Variants in TPD52L1 observed in about 807,000 individuals in gnomAD.
TPD52L1 encodes TPD52 like 1, also known as tumor protein D53.
A neutral mutation model predicts 28.7 loss-of-function variants in TPD52L1; 18 were observed. The observed-to-expected ratio is 0.63, with a 90% CI of 0.43 to 0.93. TPD52L1 has a LOEUF of 0.93. Ranked by LOEUF, TPD52L1 falls within the 40% of genes least tolerant of loss-of-function variation. The pLI is 0.00. For missense variants in TPD52L1, 203 were observed against 254.8 expected (o/e 0.80, Z 1.39); for synonymous variants, 75 against 88.8 (o/e 0.84, Z 0.88).
chr6:125,212,567 G>A (rs1395684196), intron 1 of TPD52L1, among the ~76,000 whole-genome samples: 4 of 152,220 alleles, frequency 2.6e-5, no homozygotes, highest in Non-Finnish European at 4.4e-5. Context: ...GGTTGAAGGA[G>A]GCACTTTAAT....
At chr6:125,180,708 G>T (rs765212462) in intron 1 of TPD52L1, among the ~76,000 whole-genome samples, 4 of 152,074 alleles carry the variant, frequency 2.6e-5, no homozygotes, top group Non-Finnish European at 5.9e-5. Flanking sequence ...AAACATGAAG[G>T]AGAGCTGTTT....
At chr6:125,164,557 G>C (rs553797409) in intron 1 of TPD52L1, among the ~76,000 whole-genome samples, 1 of 152,254 alleles carries the variant, frequency 6.6e-6, no homozygotes, top group Non-Finnish European at 1.5e-5. Flanking sequence ...TTTCCAGAAA[G>C]TAGAATCTGT....
chr6:125,173,468 A>G (rs1374242952), intron 1 of TPD52L1, among the ~76,000 whole-genome samples: 1 of 152,156 alleles, frequency 6.6e-6, no homozygotes, highest in Non-Finnish European at 1.5e-5. Flanking sequence ...GCCCTGGCCC[A>G]AGAGCCAGGA....
chr6:125,180,562 T>TTATATA (rs3839550), intron 1 of TPD52L1, among the ~76,000 whole-genome samples: 116 of 150,814 alleles, frequency 7.7e-4, no homozygotes, highest in African/African-American at 2.7e-3. Flanking sequence ...CACACATATA[T>TTATATA]TATATATACA....
At chr6:125,178,347 G>T (rs1791945931) in intron 1 of TPD52L1, among the ~76,000 whole-genome samples, 1 of 152,206 alleles carries the variant, frequency 6.6e-6, no homozygotes, top group South Asian at 2.1e-4. Flanking sequence ...CATAGGCCAG[G>T]TGTGGTGGCT....
intron 1 of TPD52L1, among the ~76,000 whole-genome samples, chr6:125,202,881 T>C (rs1793884121): frequency 6.7e-6 from 1 of 149,408 alleles, no homozygotes; most frequent in Admixed American, 6.8e-5. Flanking sequence ...TTCTCCTGCC[T>C]CAGCTTCCTG....
chr6:125,197,107 C>T (rs180962139), intron 1 of TPD52L1, among the ~76,000 whole-genome samples: 222 of 152,330 alleles, frequency 1.5e-3, no homozygotes, highest in African/African-American at 5.0e-3. Flanking sequence ...CTAAAACAGA[C>T]TCATAATCAT....
chr6:125,232,399 C>T (rs1582981275), intron 3 of TPD52L1, among the ~76,000 whole-genome samples: 1 of 152,092 alleles, frequency 6.6e-6, no homozygotes, highest in African/African-American at 2.4e-5. Flanking sequence ...ATCTGTATCC[C>T]TCTGAATTAA....
At chr6:125,217,337 A>G (rs111337518) in intron 1 of TPD52L1, among the ~76,000 whole-genome samples, 9 of 152,140 alleles carry the variant, frequency 5.9e-5, no homozygotes, top group Non-Finnish European at 1.3e-4. Flanking sequence ...AACTCACCAT[A>G]ATGTAAAATC....
intron 1 of TPD52L1, among the ~76,000 whole-genome samples, chr6:125,185,953 G>A (rs1463181642): frequency 6.9e-6 from 1 of 145,804 alleles, no homozygotes; most frequent in African/African-American, 2.5e-5. Flanking sequence ...GAGTGCAGTG[G>A]CATGATCTCG....
chr6:125,162,307 G>T (rs967684480), intron 1 of TPD52L1, among the ~76,000 whole-genome samples: 1 of 152,142 alleles, frequency 6.6e-6, no homozygotes, highest in African/African-American at 2.4e-5. Context: ...AATGGCAGCT[G>T]TTGTAGTAGA....
At chr6:125,172,061 CTTCT>C (rs201530227) in intron 1 of TPD52L1, among the ~76,000 whole-genome samples, 2,728 of 137,574 alleles carry the variant, frequency 0.02, 128 homozygotes, top group African/African-American at 0.072. Context: ...CCTTCTTTCT[CTTCT>C]TTCTTTCTTT....
At chr6:125,198,375 C>T (rs1043042979) in intron 1 of TPD52L1, among the ~76,000 whole-genome samples, 1 of 152,162 alleles carries the variant, frequency 6.6e-6, no homozygotes, top group African/African-American at 2.4e-5. Context: ...AAAGTCCTTT[C>T]CTTCATTGTC....
intron 1 of TPD52L1, among the ~76,000 whole-genome samples, chr6:125,191,868 A>T (rs1055996920): frequency 6.6e-6 from 1 of 152,232 alleles, no homozygotes; most frequent in Non-Finnish European, 1.5e-5. Flanking sequence ...AGGTAAGTTC[A>T]AGAAGAAATG....
chr6:125,235,101 CAAT>C (rs147249181), intron 3 of TPD52L1, among the ~76,000 whole-genome samples: 2,489 of 142,526 alleles, frequency 0.017, 24 homozygotes, highest in African/African-American at 0.033. Context: ...CTACAAATAA[CAAT>C]AATAATAATA....
At chr6:125,252,047 C>T (rs1344325555) in intron 4 of TPD52L1, 2 of 1,536,104 alleles carry the variant, frequency 1.3e-6, no homozygotes, top group African/African-American at 1.4e-5. Context: ...GTAAGCGCCA[C>T]AGGGCTGCGT....
intron 1 of TPD52L1, among the ~76,000 whole-genome samples, chr6:125,215,832 T>C (rs781351797): frequency 6.6e-6 from 1 of 152,208 alleles, no homozygotes; most frequent in Non-Finnish European, 1.5e-5. Context: ...TAAAGATGTT[T>C]GATGTCTTGA....
intron 1 of TPD52L1, among the ~76,000 whole-genome samples, chr6:125,216,019 G>A (rs570203998): frequency 1.4e-3 from 210 of 152,280 alleles, no homozygotes; most frequent in African/African-American, 4.9e-3. Flanking sequence ...AGGACTGTCT[G>A]CTGACCCCCA....
At chr6:125,226,673 C>T (rs1455522614) in intron 2 of TPD52L1, among the ~76,000 whole-genome samples, 1 of 151,806 alleles carries the variant, frequency 6.6e-6, no homozygotes, top group East Asian at 1.9e-4. Flanking sequence ...CCCCCACCCC[C>T]GCCGAGAAAA....
Sources: gnomAD v4.1 joint callset for allele counts (sites outside exome capture counted in the v4.1 genomes callset) on GRCh38, gnomAD v4.1.1 for gene constraint, MANE v1.5 for transcripts, NCBI Gene and HGNC (gene_info 2026-07-23, HGNC 2026-07-21) for gene names.